Variants in CALU observed in about 807,000 individuals in gnomAD.
The protein encoded by CALU is calumenin.
CALU carries 13 observed loss-of-function variants against 37.5 expected under a neutral mutation model. The ratio of observed to expected loss-of-function variants is 0.35; its 90% CI spans 0.23 to 0.55. The LOEUF (loss-of-function observed/expected upper bound fraction) is 0.55, where lower values mean the gene tolerates loss of function less well. Ranked by LOEUF, CALU falls within the 20% of genes least tolerant of loss-of-function variation. The probability of loss-of-function intolerance (pLI) is 0.89; values close to 1 mark genes in which losing one functional copy is unlikely to be tolerated. For missense variants in CALU, 282 were observed against 391.7 expected, an observed-to-expected ratio of 0.72 and a Z score of 2.36; for synonymous variants, 114 against 133.8, an observed-to-expected ratio of 0.85 and a Z score of 1.02.
At chr7:128,768,973 C>T in intron 6 of CALU, 90 bp from the exon 7 acceptor site, 1 of 706,084 alleles carries the variant, frequency 1.4e-6, no homozygotes, top group South Asian at 1.7e-5. Flanking sequence ...ATCTTAACTT[C>T]TGATTAACCC....
At position 128,759,840 on chromosome 7, in the gene CALU, G is replaced by A; in HGVS notation, c.631G>A (p.Glu211Lys). The A allele has an allele frequency of 7.3e-7, 1 of 1,378,452 alleles. No homozygotes were observed. Among genetic ancestry groups the A allele is most frequent in the African/African-American group, 1.4e-5 (1 of 70,694 alleles). 85.4% of individuals were successfully genotyped at this position (1,378,452 alleles called of 1,614,324 possible). Residue 211 changes from glutamate (E) to lysine (K), a missense_variant, in exon 5 of 7, where the codon GAA becomes AAA. Glu to Lys is a moderately conservative substitution (Grantham distance 56, BLOSUM62 1). Transcript: ENST00000249364. ...DKNADGFIDL[E>K]EYIGDMYSHD... ...GAATGCTGATGGTTTCATTGATCTAGAAGAGTATATTGGTAAGTCTCTGCT... is the reference window on the plus strand; with the variant it reads ...GAATGCTGATGGTTTCATTGATCTAAAAGAGTATATTGGTAAGTCTCTGCT...
chr7:128,761,785 T>G (rs1801127959), intron 5 of CALU, among the ~76,000 whole-genome samples: 2 of 152,230 alleles, frequency 1.3e-5, no homozygotes, highest in East Asian at 3.8e-4. Context: ...AGACCTCTGA[T>G]AGTTACCTGA....
intron 3 of CALU, among the ~76,000 whole-genome samples, chr7:128,758,292 A>T (rs747824599): frequency 6.6e-6 from 1 of 152,202 alleles, no homozygotes. Context: ...AGTGTCCATT[A>T]TGTGAGGTAG....
intron 5 of CALU, among the ~76,000 whole-genome samples, chr7:128,763,463 G>A (rs999233664): frequency 1.7e-4 from 26 of 152,166 alleles, no homozygotes; most frequent in African/African-American, 4.6e-4. Context: ...CCCAGGAGGC[G>A]GAGGTTGCAG....
intron 2 of CALU, among the ~76,000 whole-genome samples, chr7:128,750,605 TG>T (rs1444863067): frequency 1.3e-5 from 2 of 152,248 alleles, no homozygotes; most frequent in Non-Finnish European, 2.9e-5. Context: ...TTGTTGGTAA[TG>T]ACAAATATCC....
At chr7:128,768,863 A>AAAAAAAAC (rs1554368156) in intron 6 of CALU, among the ~76,000 whole-genome samples, 200 bp from the exon 7 acceptor site, 1 of 148,046 alleles carries the variant, frequency 6.8e-6, no homozygotes, top group African/African-American at 2.6e-5. Flanking sequence ...AAAAAAAAAA[A>AAAAAAAAC]AAAAACAAGG....
chr7:128,754,906 A>G (rs919351123), intron 3 of CALU, among the ~76,000 whole-genome samples: 2 of 152,278 alleles, frequency 1.3e-5, no homozygotes, highest in Non-Finnish European at 2.9e-5. Flanking sequence ...TGTTTTCTGA[A>G]GTCTGGAAGT....
rs1172088020 is a variant in CALU at position 128,759,773 on chromosome 7, C to T, written c.583-19C>T. The T allele has an allele frequency of 8.4e-7, 1 of 1,191,002 alleles. No homozygotes were observed. Among genetic ancestry groups the T allele is most frequent in the South Asian group, 1.2e-5 (1 of 82,558 alleles). The allele number at this position is 1,191,002 out of a possible 1,614,324, so 73.8% of individuals were successfully genotyped here. A position where few individuals can be genotyped will look rare whatever the true frequency, so the allele number is the denominator to read the frequency against. On this transcript the variant is annotated intron_variant, in intron 4 of 6. Coordinates refer to ENST00000249364, the MANE Select transcript of CALU (RefSeq NM_001219.5). ...TCAGAGACCAACTTAATAGTCTCTT[C>T]TTATTCTTTCCTGTTTAGGAAACAA...
chr7:128,754,193 C>G (rs1800779724), intron 2 of CALU, 69 bp from the exon 3 acceptor site: 2 of 1,235,166 alleles, frequency 1.6e-6, no homozygotes, highest in Non-Finnish European at 2.3e-6. Context: ...GCCCTGGGCA[C>G]ACACCTGGCT....
intron 4 of CALU, 24 bp from the exon 5 acceptor site, chr7:128,759,768 C>A: frequency 8.8e-7 from 1 of 1,131,286 alleles, no homozygotes; most frequent in Non-Finnish European, 1.3e-6. Context: ...ACTTAATAGT[C>A]TCTTCTTATT....
chr7:128,764,787 C>T (rs1562881295), intron 5 of CALU, among the ~76,000 whole-genome samples: 1 of 150,656 alleles, frequency 6.6e-6, no homozygotes, highest in East Asian at 1.9e-4. Flanking sequence ...CTTAATTGCC[C>T]TTTTTTTTGT....
At chr7:128,750,219 T>C (rs1018383151) in intron 2 of CALU, among the ~76,000 whole-genome samples, 3 of 83,166 alleles carry the variant, frequency 3.6e-5, no homozygotes, top group Non-Finnish European at 7.2e-5. Context: ...CAGAGCCATC[T>C]CAAAAAAAAA....
intron 1 of CALU, among the ~76,000 whole-genome samples, chr7:128,742,857 A>G (rs1198328278): frequency 6.6e-6 from 1 of 152,204 alleles, no homozygotes; most frequent in African/African-American, 2.4e-5. Context: ...GTGACATACT[A>G]ATACTACAAA....
chr7:128,750,110 C>T (rs1227631591), intron 2 of CALU, among the ~76,000 whole-genome samples: 2 of 151,824 alleles, frequency 1.3e-5, no homozygotes, highest in African/African-American at 4.8e-5. Context: ...TGCCTGTAGT[C>T]CCAGCTACTT....
chr7:128,759,922 G>T (rs1801037962), intron 5 of CALU, 70 bp downstream of exon 5: 2 of 858,488 alleles, frequency 2.3e-6, no homozygotes, highest in East Asian at 5.0e-5. Context: ...TGCTGGCTGG[G>T]CACAGTGGCT....
chr7:128,772,755 C>T lies in CALU; in HGVS notation c.*3588C>T, dbSNP rs1801638820. The T allele has an allele frequency of 6.5e-7, 1 of 1,533,010 alleles. No individual in the cohort carries two copies. The highest frequency in any genetic ancestry group is 1.1e-5 in the South Asian group (1 of 88,316). 95.0% of individuals were successfully genotyped at this position (1,533,010 alleles called of 1,614,324 possible). On this transcript the variant is annotated 3_prime_UTR_variant, in exon 7 of 7. Coordinates refer to ENST00000249364, the MANE Select transcript of CALU (RefSeq NM_001219.5). ...TGTATCACCAAAGCCTTGCACAATG[C>T]TTTGTACCCAGAATGCCCTTAGGTG...
intron 2 of CALU, among the ~76,000 whole-genome samples, chr7:128,750,220 CA>C (rs398006225): frequency 0.2 from 15,271 of 75,042 alleles, 564 homozygotes; most frequent in African/African-American, 0.31. Context: ...AGAGCCATCT[CA>C]AAAAAAAAAA....
chr7:128,759,946 C>T, intron 5 of CALU, 94 bp downstream of exon 5: 1 of 758,320 alleles, frequency 1.3e-6, no homozygotes, highest in East Asian at 2.6e-5. Flanking sequence ...GCCTGTAATC[C>T]CAACACTGGG....
At chr7:128,758,321 C>A (rs771719710) in intron 3 of CALU, among the ~76,000 whole-genome samples, 4 of 152,248 alleles carry the variant, frequency 2.6e-5, no homozygotes, top group Non-Finnish European at 5.9e-5. Flanking sequence ...TGATTTCTAT[C>A]TTTTTAATGA....
Sources: allele counts gnomAD v4.1 joint callset (sites outside exome capture counted in the v4.1 genomes callset), GRCh38; gene constraint gnomAD v4.1.1; transcripts MANE v1.5; gene names NCBI Gene and HGNC (gene_info 2026-07-23, HGNC 2026-07-21).